Variants in WAPL observed in about 807,000 individuals in gnomAD.
WAPL encodes the protein WAPL cohesin release factor.
A neutral mutation model predicts 121.0 loss-of-function variants in WAPL; 5 were observed. That is an observed-to-expected ratio of 0.04 (90% CI 0.02 to 0.09). The LOEUF is 0.09. WAPL is among the 10% of genes least tolerant of loss of function. The pLI is 1.00. For missense variants in WAPL, 999 were observed against 1,410.8 expected, an observed-to-expected ratio of 0.71 and a Z score of 4.68; for synonymous variants, 480 against 481.5, an observed-to-expected ratio of 1.00 and a Z score of 0.04.
chr10:86,496,031 T>C (rs1842143668), intron 4 of WAPL, among the ~76,000 whole-genome samples: 1 of 152,188 alleles, frequency 6.6e-6, no homozygotes, highest in Admixed American at 6.5e-5. Context: ...GGAGAATTCC[T>C]TGAACCCAGG....
At chr10:86,493,812 G>A (rs1333185108) in intron 4 of WAPL, among the ~76,000 whole-genome samples, 5 of 152,052 alleles carry the variant, frequency 3.3e-5, no homozygotes, top group African/African-American at 7.2e-5. Flanking sequence ...CACCAGCCTG[G>A]CCAACATGAT....
chr10:86,501,620 C>A (rs1399688924), intron 2 of WAPL, among the ~76,000 whole-genome samples: 1 of 152,188 alleles, frequency 6.6e-6, no homozygotes, highest in African/African-American at 2.4e-5. Context: ...TCATCAAATA[C>A]AGGTGAGAGG....
At chr10:86,516,523 C>T (rs927291933) in intron 2 of WAPL, among the ~76,000 whole-genome samples, 9 of 152,126 alleles carry the variant, frequency 5.9e-5, no homozygotes, top group African/African-American at 2.2e-4. Context: ...TTTGCCAAGA[C>T]GTCAAGAACT....
intron 4 of WAPL, among the ~76,000 whole-genome samples, chr10:86,491,289 G>GCCA (rs910795233): frequency 3.3e-5 from 5 of 151,184 alleles, no homozygotes; most frequent in African/African-American, 1.2e-4. Context: ...ACAGGCGCCC[G>GCCA]CCACCACACA....
At chr10:86,464,696 C>T (rs535776416) in intron 9 of WAPL, among the ~76,000 whole-genome samples, 2 of 152,220 alleles carry the variant, frequency 1.3e-5, no homozygotes, top group African/African-American at 2.4e-5. Flanking sequence ...ATTAGCTGGG[C>T]GTGATGGCAC....
At chr10:86,514,920 C>G (rs1285364042) in intron 2 of WAPL, among the ~76,000 whole-genome samples, 1 of 152,190 alleles carries the variant, frequency 6.6e-6, no homozygotes, top group Non-Finnish European at 1.5e-5. Context: ...TTTAATCTTA[C>G]TTCCTCCGGC....
At chr10:86,509,248 C>A (rs1307037518) in intron 2 of WAPL, among the ~76,000 whole-genome samples, 1 of 152,152 alleles carries the variant, frequency 6.6e-6, no homozygotes. Flanking sequence ...CCCAATGTAC[C>A]CAAAACTGAA....
chr10:86,483,989 G>C (rs1270019092), intron 4 of WAPL, among the ~76,000 whole-genome samples: 1 of 150,788 alleles, frequency 6.6e-6, no homozygotes, highest in Non-Finnish European at 1.5e-5. Context: ...CAAGTGCCGG[G>C]ATTACAGGCG....
At chr10:86,460,296 A>G (rs1269873310) in intron 11 of WAPL, 103 bp downstream of exon 11, 2 of 863,986 alleles carry the variant, frequency 2.3e-6, no homozygotes, top group Admixed American at 2.6e-5. Context: ...GATTAACAGA[A>G]GTGAACCTCC....
chr10:86,475,772 C>T (rs980363851), intron 4 of WAPL, among the ~76,000 whole-genome samples: 2 of 152,196 alleles, frequency 1.3e-5, no homozygotes, highest in African/African-American at 4.8e-5. Context: ...GTTATGGATC[C>T]CTAATTTGAA....
In WAPL at chr10:86,453,648, A is replaced by T. The variant is rs1841057005; in HGVS notation, c.2833+8T>A. ...TTTCAATGAGAAAAAAATGGAAAAA[A>T]ATCTTACCATTATCATTAGTTAAAT... On this transcript the variant is annotated splice_region_variant and intron_variant, in intron 13 of 18. Coordinates refer to ENST00000298767, the MANE Select transcript of WAPL (RefSeq NM_015045.5). The T allele has an allele frequency of 5.7e-6, 9 of 1,590,176 alleles. No individual in the cohort carries two copies. The highest frequency in any genetic ancestry group is 7.7e-6 in the Non-Finnish European group (9 of 1,171,028).
chr10:86,500,987 A>G (rs2132221937), intron 2 of WAPL, among the ~76,000 whole-genome samples: 1 of 152,326 alleles, frequency 6.6e-6, no homozygotes, highest in South Asian at 2.1e-4. Context: ...GTAAACTCAC[A>G]AGAAATTTCA....
chr10:86,513,380 G>C (rs1356072227), intron 2 of WAPL, among the ~76,000 whole-genome samples: 5 of 152,242 alleles, frequency 3.3e-5, no homozygotes, highest in African/African-American at 1.2e-4. Flanking sequence ...TGTCACCCAG[G>C]CTGGAGTGCG....
At chr10:86,506,988 T>C (rs908965080) in intron 2 of WAPL, among the ~76,000 whole-genome samples, 7 of 151,560 alleles carry the variant, frequency 4.6e-5, no homozygotes, top group African/African-American at 1.5e-4. Context: ...AGCCCCTTCT[T>C]GGCTTCTCTG....
At chr10:86,494,628 GA>G (rs1374773570) in intron 4 of WAPL, among the ~76,000 whole-genome samples, 3 of 152,178 alleles carry the variant, frequency 2.0e-5, no homozygotes, top group Non-Finnish European at 4.4e-5. Context: ...ACTGTATAAT[GA>G]AATGTGTCAT....
intron 2 of WAPL, among the ~76,000 whole-genome samples, chr10:86,506,282 A>G (rs2132226599): frequency 6.6e-6 from 1 of 152,262 alleles, no homozygotes; most frequent in East Asian, 1.9e-4. Context: ...GAGGGTGAGG[A>G]AGGAGGAAGT....
At chr10:86,441,414 T>G (rs931771196) in intron 17 of WAPL, among the ~76,000 whole-genome samples, 4 of 152,138 alleles carry the variant, frequency 2.6e-5, no homozygotes, top group Non-Finnish European at 5.9e-5. Context: ...TAATCCCATG[T>G]TCCCAGCCAG....
In WAPL at chr10:86,453,351, G is replaced by A. The variant is rs765181153; in HGVS notation, c.2834-16C>T. 5.0e-6 allele frequency: 8 copies of A among 1,611,224 alleles called. No homozygotes were observed. Among genetic ancestry groups the A allele is most frequent in the Non-Finnish European group, 6.8e-6 (8 of 1,177,898 alleles). ...CTGCCCCACTCTGAAATAAGAAATG[G>A]ATACAGGAAAATGGTTACTGATTCT... is the stretch of plus-strand genomic sequence containing the variant. On this transcript the variant is annotated splice_polypyrimidine_tract_variant and intron_variant, in intron 13 of 18. Coordinates refer to ENST00000298767, the MANE Select transcript of WAPL (RefSeq NM_015045.5).
chr10:86,472,249 A>G lies in WAPL; in HGVS notation c.1989T>C (p.Ser663=), dbSNP rs762246441. ...EFTDDIEYLL[S]GLKSTQPLNT... is the part of the protein sequence containing the mutation. ...TTAGAGGCTGAGTGCTCTTTAAGCC[A>G]CTTAACAAGTACTCAATGTCATCAG... Residue 663 remains serine, a synonymous_variant, in exon 7 of 19, where the codon AGT becomes AGC. Coordinates refer to ENST00000298767, the MANE Select transcript of WAPL (RefSeq NM_015045.5). The surrounding 1 kb of genome is among the most constrained non-coding windows in gnomAD (Gnocchi z 4.2). 6 of 1,596,270 alleles carry G rather than the reference A, an allele frequency of 3.8e-6. No homozygotes were observed. The highest frequency in any genetic ancestry group is 5.1e-6 in the Non-Finnish European group (6 of 1,175,896).
Sources: allele counts gnomAD v4.1 joint callset (sites outside exome capture counted in the v4.1 genomes callset), GRCh38; gene constraint gnomAD v4.1.1; non-coding constraint Gnocchi (gnomAD v3.1); transcripts MANE v1.5; gene names NCBI Gene and HGNC (gene_info 2026-07-23, HGNC 2026-07-21).